The following ADCY9 variants were observed in gnomAD, a reference collection of about 807,000 sequenced individuals.
ADCY9 encodes the protein adenylate cyclase type 9.
Under a neutral mutation model 101.5 loss-of-function variants are expected in ADCY9, and 50 were observed. The observed-to-expected ratio is 0.49, with a 90% CI of 0.39 to 0.62. The LOEUF (loss-of-function observed/expected upper bound fraction) is 0.62, where lower values mean the gene tolerates loss of function less well. ADCY9 is among the 20% of genes least tolerant of loss of function. The probability of loss-of-function intolerance (pLI) is 0.00; values close to 1 mark genes in which losing one functional copy is unlikely to be tolerated. For synonymous variants in ADCY9, 905 were observed against 769.3 expected, an observed-to-expected ratio of 1.18 and a Z score of -2.92; for missense variants, 1,662 against 1,800.4, an observed-to-expected ratio of 0.92 and a Z score of 1.39.
intron 7 of ADCY9, 163 bp downstream of exon 7, chr16:3,983,069 T>A: frequency 2.9e-6 from 2 of 695,590 alleles, no homozygotes; most frequent in East Asian, 5.5e-5. Flanking sequence ...GGAGGGAGGA[T>A]GCTGGGGCAC....
At chr16:3,970,147 T>C (rs1350839044) in intron 10 of ADCY9, among the ~76,000 whole-genome samples, 1 of 152,128 alleles carries the variant, frequency 6.6e-6, no homozygotes, top group Non-Finnish European at 1.5e-5. Flanking sequence ...TATACTTATA[T>C]ATGCGACTGG....
At chr16:4,013,454 A>G (rs2056417368) in intron 2 of ADCY9, among the ~76,000 whole-genome samples, 1 of 152,144 alleles carries the variant, frequency 6.6e-6, no homozygotes, top group Non-Finnish European at 1.5e-5. Context: ...GAAAAAGAAG[A>G]AAAGAAAAAC....
chr16:3,993,539 A>G (rs2056264103), intron 3 of ADCY9, 29 bp from the exon 4 acceptor site: 1 of 1,607,102 alleles, frequency 6.2e-7, no homozygotes, highest in Non-Finnish European at 8.5e-7. Flanking sequence ...CTGTGGGGAC[A>G]CACCCAGAAA....
chr16:4,009,038 G>A (rs990063361), intron 2 of ADCY9, among the ~76,000 whole-genome samples: 7 of 152,196 alleles, frequency 4.6e-5, no homozygotes, highest in East Asian at 1.9e-4. Flanking sequence ...CAATAATCCC[G>A]AATCATTTTA....
intron 3 of ADCY9, 76 bp from the exon 4 acceptor site, chr16:3,993,586 T>C (rs550114160): frequency 6.4e-7 from 1 of 1,565,200 alleles, no homozygotes; most frequent in East Asian, 2.3e-5. Context: ...AGGTCCGCTG[T>C]TGCCATCTGC....
chr16:3,967,026 C>T, intron 10 of ADCY9, 60 bp from the exon 11 acceptor site: 1 of 1,401,948 alleles, frequency 7.1e-7, no homozygotes, highest in Non-Finnish European at 9.9e-7. Context: ...AAGCTCAGAA[C>T]AGCCCCGCTA....
intron 10 of ADCY9, among the ~76,000 whole-genome samples, chr16:3,972,429 A>C (rs150842402): frequency 9.9e-5 from 15 of 151,872 alleles, no homozygotes; most frequent in Non-Finnish European, 2.2e-4. Context: ...GGGGTTTCAC[A>C]AACATGTTGG....
Position 4,040,604 on chromosome 16 carries a change from C to T in ADCY9, c.1694-33046G>A, listed in dbSNP as rs189519554. Among the ~76,000 whole-genome samples the T allele has an allele frequency of 2.5e-3, 379 of 152,192 alleles. 3 individuals are homozygous for T. Among genetic ancestry groups the T allele is most frequent in the African/African-American group, 8.6e-3 (359 of 41,520 alleles). On this transcript the variant is annotated intron_variant, in intron 2 of 10. Transcript: ENST00000294016. ...CCCGAGTAGCTAGGATTACAGGCAGCCGCCACCACACCTGGTTAATTTTTG... is the reference window on the plus strand; with the variant it reads ...CCCGAGTAGCTAGGATTACAGGCAGTCGCCACCACACCTGGTTAATTTTTG...
chr16:3,957,515 G>A (rs909682167), intron 5 of ADCY9, among the ~76,000 whole-genome samples: 3 of 152,122 alleles, frequency 2.0e-5, no homozygotes, highest in Admixed American at 6.5e-5. Flanking sequence ...GGGGGTGGAG[G>A]CCACAGGCGG....
At chr16:4,077,385 C>A (rs891680223) in intron 2 of ADCY9, among the ~76,000 whole-genome samples, 6 of 152,156 alleles carry the variant, frequency 3.9e-5, no homozygotes, top group Non-Finnish European at 8.8e-5. Flanking sequence ...CCTTCCCCAA[C>A]GTCCTTTAGG....
At chr16:3,973,201 C>CT (rs897878328) in intron 10 of ADCY9, among the ~76,000 whole-genome samples, 8 of 151,832 alleles carry the variant, frequency 5.3e-5, no homozygotes, top group East Asian at 3.9e-4. Context: ...GCTAATGAAT[C>CT]TTTTTTTTAT....
At chr16:4,038,567 T>C (rs960844033) in intron 2 of ADCY9, among the ~76,000 whole-genome samples, 3 of 152,180 alleles carry the variant, frequency 2.0e-5, no homozygotes, top group African/African-American at 4.8e-5. Flanking sequence ...CAGTTGCAGG[T>C]ATTTTGTTGC....
rs139225131 is a variant in ADCY9 at position 3,954,660 on chromosome 16, C to T, written c.568-1144G>A. On this transcript the variant is annotated intron_variant, in intron 5 of 5. Coordinates refer to the ADCY9 transcript ENST00000576936. Reference sequence around the variant, plus strand: ...GGGCCGGCTGAGGGCCAGCATCGCACGTTGATGCTGGGAGGTTGCTGCTTT... The same window carrying T: ...GGGCCGGCTGAGGGCCAGCATCGCATGTTGATGCTGGGAGGTTGCTGCTTT... 3.3e-5 allele frequency among the ~76,000 whole-genome samples: 5 copies of T among 152,182 alleles called. No homozygotes were observed. In the East Asian group the frequency reaches 7.7e-4, roughly 24 times the overall value.
chr16:4,087,955 C>T (rs1243838013), intron 2 of ADCY9, among the ~76,000 whole-genome samples: 9 of 148,440 alleles, frequency 6.1e-5, no homozygotes, highest in South Asian at 2.1e-4. Context: ...TGTTTTTTTG[C>T]GACAGAGTCT....
intron 9 of ADCY9, among the ~76,000 whole-genome samples, chr16:3,975,493 C>T (rs932287815): frequency 7.2e-5 from 11 of 152,138 alleles, no homozygotes; most frequent in Admixed American, 2.6e-4. Flanking sequence ...GTGCCTACTC[C>T]GTCTGATACT....
intron 2 of ADCY9, among the ~76,000 whole-genome samples, chr16:4,022,812 A>T (rs762657694): frequency 1.9e-4 from 29 of 152,208 alleles, no homozygotes; most frequent in Non-Finnish European, 3.7e-4. Context: ...AAATTAATAA[A>T]TAAAAATTAA....
chr16:3,993,564 C>T, intron 3 of ADCY9, 54 bp from the exon 4 acceptor site: 1 of 1,599,246 alleles, frequency 6.3e-7, no homozygotes, highest in Non-Finnish European at 8.6e-7. Flanking sequence ...GACTGCCACC[C>T]TGAATTCAGG....
At chr16:4,082,718 G>A (rs865824219) in intron 2 of ADCY9, among the ~76,000 whole-genome samples, 39 of 149,876 alleles carry the variant, frequency 2.6e-4, no homozygotes, top group Admixed American at 3.3e-4. Flanking sequence ...ACGCATGCAC[G>A]CACACACATG....
At chr16:4,072,645 AAGGAT>A (rs970176194) in intron 2 of ADCY9, among the ~76,000 whole-genome samples, 1 of 152,208 alleles carries the variant, frequency 6.6e-6, no homozygotes, top group Non-Finnish European at 1.5e-5. Context: ...AGAAGAAAGA[AAGGAT>A]AGAAGGAAAT....
Sources: gnomAD v4.1 joint callset for allele counts (sites outside exome capture counted in the v4.1 genomes callset) on GRCh38, gnomAD v4.1.1 for gene constraint, MANE v1.5 for transcripts, NCBI Gene and HGNC (gene_info 2026-07-23, HGNC 2026-07-21) for gene names.